Variants in RALYL observed in about 807,000 individuals in gnomAD.
RALYL encodes RALY RNA binding protein like, also known as RNA-binding Raly-like protein.
RALYL carries 29 observed loss-of-function variants against 35.1 expected under a neutral mutation model. The ratio of observed to expected loss-of-function variants is 0.83; its 90% CI spans 0.61 to 1.13. The LOEUF is 1.13. RALYL is among the 50% of genes most tolerant of loss of function. The pLI, the probability that RALYL is intolerant of heterozygous loss-of-function variation, is 0.00. For missense variants in RALYL, 359 were observed against 360.4 expected (o/e 1.00, Z 0.03); for synonymous variants, 120 against 127.6 (o/e 0.94, Z 0.40).
intron 2 of RALYL, among the ~76,000 whole-genome samples, chr8:84,555,714 A>G: frequency 6.6e-6 from 1 of 152,240 alleles, no homozygotes. Context: ...CACTTAACAT[A>G]TGCTAGAAAC....
chr8:84,699,439 G>T (rs2132286591), intron 2 of RALYL, among the ~76,000 whole-genome samples: 1 of 152,214 alleles, frequency 6.6e-6, no homozygotes, highest in Admixed American at 6.6e-5. Flanking sequence ...AGTTCTAAAG[G>T]CTGGGAAATC....
At chr8:84,594,113 C>A (rs1349078123) in intron 2 of RALYL, among the ~76,000 whole-genome samples, 1 of 151,972 alleles carries the variant, frequency 6.6e-6, no homozygotes, top group East Asian at 1.9e-4. Context: ...CTACCTAAAT[C>A]CTCATTCAGT....
intron 3 of RALYL, among the ~76,000 whole-genome samples, chr8:84,786,750 T>C (rs938093083): frequency 1.2e-4 from 19 of 152,208 alleles, no homozygotes; most frequent in Non-Finnish European, 2.2e-4. Flanking sequence ...GATGGTTAGA[T>C]TGCAAAAATT....
At chr8:84,221,778 C>T (rs1259009044) in intron 1 of RALYL, among the ~76,000 whole-genome samples, 1 of 151,930 alleles carries the variant, frequency 6.6e-6, no homozygotes, top group East Asian at 1.9e-4. Flanking sequence ...GTTTCAGTAT[C>T]CCTATACTTG....
At chr8:84,188,813 C>T (rs1382604874) in intron 1 of RALYL, among the ~76,000 whole-genome samples, 1 of 152,094 alleles carries the variant, frequency 6.6e-6, no homozygotes, top group African/African-American at 2.4e-5. Context: ...TTCAATAATA[C>T]ATTGGGAATT....
chr8:84,642,517 T>C (rs1826586360), intron 2 of RALYL, among the ~76,000 whole-genome samples: 1 of 152,034 alleles, frequency 6.6e-6, no homozygotes, highest in Non-Finnish European at 1.5e-5. Flanking sequence ...GAAAACAAGA[T>C]AGAGAGCTTT....
chr8:84,374,213 G>A (rs543616912), intron 1 of RALYL, among the ~76,000 whole-genome samples: 1 of 152,026 alleles, frequency 6.6e-6, no homozygotes, highest in African/African-American at 2.4e-5. Flanking sequence ...TCTTTTGCCT[G>A]ATTACTCTGG....
chr8:84,539,314 T>C (rs1035154878), intron 2 of RALYL, among the ~76,000 whole-genome samples: 3 of 152,154 alleles, frequency 2.0e-5, no homozygotes, highest in Non-Finnish European at 4.4e-5. Flanking sequence ...TACAAAGTGA[T>C]GTAAAAACCT....
At chr8:84,555,108 A>C (rs564756704) in intron 2 of RALYL, among the ~76,000 whole-genome samples, 2 of 151,894 alleles carry the variant, frequency 1.3e-5, no homozygotes, top group Non-Finnish European at 2.9e-5. Flanking sequence ...GTGAAACCCC[A>C]CCTCTACTAA....
At chr8:84,227,794 A>T (rs1824312357) in intron 1 of RALYL, among the ~76,000 whole-genome samples, 1 of 152,128 alleles carries the variant, frequency 6.6e-6, no homozygotes, top group Non-Finnish European at 1.5e-5. Context: ...AAATCTTAGA[A>T]ATCACTTTCA....
At chr8:84,383,419 T>C (rs2131633100) in intron 1 of RALYL, among the ~76,000 whole-genome samples, 1 of 151,672 alleles carries the variant, frequency 6.6e-6, no homozygotes, top group South Asian at 2.1e-4. Context: ...GAGCAAGACA[T>C]TGAGGGCTTG....
intron 4 of RALYL, among the ~76,000 whole-genome samples, chr8:84,826,619 C>T (rs1423647197): frequency 6.6e-6 from 1 of 152,046 alleles, no homozygotes; most frequent in African/African-American, 2.4e-5. Context: ...TCCCAAAAGA[C>T]AATCAAATGT....
At chr8:84,427,001 A>G (rs980087649) in intron 1 of RALYL, among the ~76,000 whole-genome samples, 1 of 152,216 alleles carries the variant, frequency 6.6e-6, no homozygotes, top group Non-Finnish European at 1.5e-5. Flanking sequence ...CTCCCATGTC[A>G]TGTTCATTGT....
chr8:84,409,035 T>C (rs2043841736), intron 1 of RALYL, among the ~76,000 whole-genome samples: 1 of 152,110 alleles, frequency 6.6e-6, no homozygotes, highest in Non-Finnish European at 1.5e-5. Context: ...GGGATAATTA[T>C]CTCTTAATTA....
intron 2 of RALYL, among the ~76,000 whole-genome samples, chr8:84,673,394 T>G (rs1341767480): frequency 6.6e-6 from 1 of 152,168 alleles, no homozygotes; most frequent in Non-Finnish European, 1.5e-5. Flanking sequence ...TTTTTTCAAT[T>G]TTTGCTTTTG....
chr8:84,660,223 G>A (rs1830653877), intron 2 of RALYL, among the ~76,000 whole-genome samples: 1 of 152,006 alleles, frequency 6.6e-6, no homozygotes, highest in Non-Finnish European at 1.5e-5. Flanking sequence ...TGAGAATTGA[G>A]AGTTATTTGA....
chr8:84,851,884 T>C (rs1027866358), intron 5 of RALYL, among the ~76,000 whole-genome samples: 7 of 152,232 alleles, frequency 4.6e-5, no homozygotes, highest in Non-Finnish European at 1.0e-4. Context: ...CTAATTTCTA[T>C]TGCTATATTT....
chr8:84,430,216 T>C (rs1429914935), intron 1 of RALYL, among the ~76,000 whole-genome samples: 1 of 152,058 alleles, frequency 6.6e-6, no homozygotes, highest in Non-Finnish European at 1.5e-5. Flanking sequence ...ATGGAAAACA[T>C]AGTGATAAAA....
intron 7 of RALYL, among the ~76,000 whole-genome samples, chr8:84,884,773 C>A (rs955458015): frequency 4.6e-5 from 7 of 152,032 alleles, no homozygotes; most frequent in Admixed American, 3.3e-4. Flanking sequence ...AGATTCAAAG[C>A]ATTTTTCACT....
Sources: allele counts gnomAD v4.1 joint callset (sites outside exome capture counted in the v4.1 genomes callset), GRCh38; gene constraint gnomAD v4.1.1; transcripts MANE v1.5; gene names NCBI Gene and HGNC (gene_info 2026-07-23, HGNC 2026-07-21).